Variants in SLCO1A2 observed in about 807,000 individuals in gnomAD.
SLCO1A2 encodes OATP-1.
Under a neutral mutation model 69.0 loss-of-function variants are expected in SLCO1A2, and 67 were observed. The ratio of observed to expected loss-of-function variants is 0.97; its 90% CI spans 0.80 to 1.19. The LOEUF (loss-of-function observed/expected upper bound fraction) is 1.19. SLCO1A2 is among the 50% of genes most tolerant of loss of function. The probability of loss-of-function intolerance (pLI) is 0.00; values close to 1 mark genes in which losing one functional copy is unlikely to be tolerated. For synonymous variants in SLCO1A2, 260 were observed against 265.9 expected, an observed-to-expected ratio of 0.98 and a Z score of 0.22; for missense variants, 787 against 793.7, an observed-to-expected ratio of 0.99 and a Z score of 0.10.
At chr12:21,305,750 G>A (rs910158247) in intron 5 of SLCO1A2, among the ~76,000 whole-genome samples, 10 of 152,188 alleles carry the variant, frequency 6.6e-5, no homozygotes, top group Non-Finnish European at 1.2e-4. Flanking sequence ...TTCCCCCATG[G>A]GGGTTCTTTG....
chr12:21,342,625 T>C (rs1243054435), intron 2 of SLCO1A2, among the ~76,000 whole-genome samples: 1 of 151,966 alleles, frequency 6.6e-6, no homozygotes, highest in Non-Finnish European at 1.5e-5. Context: ...ACAAATTAAA[T>C]AGCACGATAT....
chr12:21,404,868 T>C (rs548501266), intron 1 of SLCO1A2, among the ~76,000 whole-genome samples: 1 of 152,280 alleles, frequency 6.6e-6, no homozygotes, highest in Admixed American at 6.5e-5. Context: ...GTAAAAGCAT[T>C]CCTATTTGTC....
At chr12:21,416,658 A>G (rs1181275129) in intron 1 of SLCO1A2, among the ~76,000 whole-genome samples, 1 of 152,036 alleles carries the variant, frequency 6.6e-6, no homozygotes, top group Admixed American at 6.6e-5. Context: ...GACAGGCTAA[A>G]GGGCACTGAC....
At chr12:21,269,807 G>A (rs746419683) in intron 14 of SLCO1A2, 40 bp from the exon 15 acceptor site, 17 of 1,492,910 alleles carry the variant, frequency 1.1e-5, no homozygotes, top group Non-Finnish European at 1.6e-5. Context: ...ATATTACATA[G>A]TGTGGTTAGT....
intron 1 of SLCO1A2, among the ~76,000 whole-genome samples, chr12:21,380,631 C>A (rs1053474392): frequency 3.3e-5 from 5 of 152,126 alleles, no homozygotes; most frequent in Non-Finnish European, 7.4e-5. Flanking sequence ...TGAGTGTATT[C>A]TCTGGTTTCT....
At chr12:21,358,668 CTT>C (rs1232398489) in intron 2 of SLCO1A2, among the ~76,000 whole-genome samples, 2 of 151,476 alleles carry the variant, frequency 1.3e-5, no homozygotes, top group Admixed American at 6.6e-5. Flanking sequence ...TAAAAATTAA[CTT>C]TGAAACATGA....
intron 1 of SLCO1A2, chr12:21,378,382 G>C (rs761448825): frequency 2.5e-6 from 4 of 1,614,096 alleles, no homozygotes; most frequent in Non-Finnish European, 2.5e-6. Context: ...GAGGAATGCA[G>C]TAGAGGTTTT....
At chr12:21,350,338 A>G (rs537017513) in intron 2 of SLCO1A2, among the ~76,000 whole-genome samples, 19 of 152,170 alleles carry the variant, frequency 1.2e-4, no homozygotes, top group African/African-American at 4.6e-4. Context: ...ACAAAAAAAA[A>G]GAGAGAAAAA....
In SLCO1A2 at chr12:21,291,042, C is replaced by T. The variant is rs2136297974; in HGVS notation, c.1610+1122G>A. ...AAGCATCATGAATAACTTTTAGCTA[C>T]AAAGTTATTTGAAGAGATGCTTAAG... On this transcript the variant is annotated intron_variant, in intron 12 of 14. Transcript: ENST00000683939. 1.3e-5 allele frequency among the ~76,000 whole-genome samples: 2 copies of T among 152,158 alleles called. 1 individual carries two copies. Among genetic ancestry groups the T allele is most frequent in the Non-Finnish European group, 2.9e-5 (2 of 67,976 alleles).
chr12:21,409,740 C>T (rs1210003310), intron 1 of SLCO1A2, among the ~76,000 whole-genome samples: 1 of 152,136 alleles, frequency 6.6e-6, no homozygotes, highest in Non-Finnish European at 1.5e-5. Flanking sequence ...TGAAAACAAC[C>T]TCTGAGATCA....
Position 21,356,465 on chromosome 12 carries a change from G to A in SLCO1A2, c.-63+17934C>T, listed in dbSNP as rs534619109. On this transcript the variant is annotated intron_variant, in intron 2 of 15. Transcript: ENST00000307378. ...TACCTAAAGATAACAATAGAAGAACGGGCACAGTGGGATACAAAAGAAAAA... is the reference window on the plus strand; with the variant it reads ...TACCTAAAGATAACAATAGAAGAACAGGCACAGTGGGATACAAAAGAAAAA... Among the ~76,000 whole-genome samples, 21 of 151,788 alleles carry A rather than the reference G, an allele frequency of 1.4e-4. 1 individual carries two copies. Among genetic ancestry groups the A allele is most frequent in the Admixed American group, 1.1e-3 (17 of 15,236 alleles).
chr12:21,403,291 A>T (rs1454191845), intron 1 of SLCO1A2: 1 of 152,172 alleles, frequency 6.6e-6, no homozygotes, highest in Non-Finnish European at 1.5e-5. Context: ...AGGAATGTAT[A>T]AACAAGATAA....
rs1210167901 is a variant in SLCO1A2 at position 21,266,322 on chromosome 12, G to C, written c.*3226C>G. On this transcript the variant is annotated 3_prime_UTR_variant, in exon 15 of 15. Transcript: ENST00000683939. ...TTCAGACTCTACTCCTTGTTGAACTGATTTGTTATTCTTAATATATTTATT... is the reference window on the plus strand; with the variant it reads ...TTCAGACTCTACTCCTTGTTGAACTCATTTGTTATTCTTAATATATTTATT... 8 of 152,090 alleles carry C rather than the reference G, an allele frequency of 5.3e-5. No individual in the cohort carries two copies. Among genetic ancestry groups the C allele is most frequent in the Non-Finnish European group, 1.2e-4 (8 of 67,998 alleles). The allele number at this position is 152,090 out of a possible 1,614,324, so 9.4% of individuals were successfully genotyped here. A position where few individuals can be genotyped will look rare whatever the true frequency, so the allele number is the denominator to read the frequency against.
intron 2 of SLCO1A2, among the ~76,000 whole-genome samples, chr12:21,360,260 A>G (rs369235370): frequency 6.6e-6 from 1 of 152,232 alleles, no homozygotes; most frequent in Non-Finnish European, 1.5e-5. Flanking sequence ...GAGTGTGTGC[A>G]TTGGCCAAAA....
chr12:21,413,428 G>A (rs993917266), intron 1 of SLCO1A2, among the ~76,000 whole-genome samples: 1 of 151,548 alleles, frequency 6.6e-6, no homozygotes, highest in African/African-American at 2.4e-5. Context: ...TTTTAGTAGA[G>A]ACAGGGTTTC....
intron 12 of SLCO1A2, among the ~76,000 whole-genome samples, chr12:21,288,556 AG>A (rs1946335176): frequency 6.6e-6 from 1 of 152,192 alleles, no homozygotes; most frequent in African/African-American, 2.4e-5. Context: ...GATAGTTAAT[AG>A]GTACGAAAAA....
At chr12:21,307,398 A>G (rs1396658290) in intron 4 of SLCO1A2, among the ~76,000 whole-genome samples, 2 of 152,222 alleles carry the variant, frequency 1.3e-5, no homozygotes, top group African/African-American at 4.8e-5. Context: ...TCAACTTGGC[A>G]TTCTCTAAAG....
chr12:21,277,430 C>T (rs1452738633), intron 12 of SLCO1A2, among the ~76,000 whole-genome samples: 3 of 152,070 alleles, frequency 2.0e-5, no homozygotes, highest in African/African-American at 7.2e-5. Context: ...AGGTGAGACT[C>T]AGGTGTGCTG....
intron 2 of SLCO1A2, among the ~76,000 whole-genome samples, chr12:21,362,335 A>G: frequency 6.6e-6 from 1 of 152,212 alleles, no homozygotes; most frequent in African/African-American, 2.4e-5. Context: ...AATGCTTTAC[A>G]GACAAACAAA....
Sources: gnomAD v4.1 joint callset for allele counts (sites outside exome capture counted in the v4.1 genomes callset) on GRCh38, gnomAD v4.1.1 for gene constraint, MANE v1.5 for transcripts, NCBI Gene and HGNC (gene_info 2026-07-23, HGNC 2026-07-21) for gene names.